Variants in AP2A1 observed in about 807,000 individuals in gnomAD.
AP2A1 encodes the protein adaptor related protein complex 2 subunit alpha 1.
Under a neutral mutation model 107.3 loss-of-function variants are expected in AP2A1, and 21 were observed. The ratio of observed to expected loss-of-function variants is 0.20; its 90% CI spans 0.14 to 0.28. The LOEUF (loss-of-function observed/expected upper bound fraction) is 0.28. AP2A1 is among the 10% of genes least tolerant of loss of function. The probability of loss-of-function intolerance (pLI) is 1.00; values close to 1 mark genes in which losing one functional copy is unlikely to be tolerated. For missense variants in AP2A1, 873 were observed against 1,307.7 expected, an observed-to-expected ratio of 0.67 and a Z score of 5.13; for synonymous variants, 602 against 564.8, an observed-to-expected ratio of 1.07 and a Z score of -0.93.
chr19:49,780,903 C>T (rs973561218), intron 1 of AP2A1, among the ~76,000 whole-genome samples: 3 of 152,010 alleles, frequency 2.0e-5, no homozygotes, highest in East Asian at 1.9e-4. Context: ...GGCAGTAGCC[C>T]GATTGGCGTG....
intron 7 of AP2A1, chr19:49,797,032 CTT>C (rs2073222484): frequency 1.3e-5 from 2 of 152,322 alleles, no homozygotes; most frequent in South Asian, 4.1e-4. Flanking sequence ...CTCTGGGCCT[CTT>C]TTTCGTCCTG....
chr19:49,771,387 C>T (rs1251164372), intron 1 of AP2A1, among the ~76,000 whole-genome samples: 6 of 148,356 alleles, frequency 4.0e-5, no homozygotes, highest in Non-Finnish European at 4.4e-5. Context: ...TACTAAAGAA[C>T]GCTGAATTGT....
At chr19:49,767,509 G>A (rs1305714010) in intron 1 of AP2A1, among the ~76,000 whole-genome samples, 2 of 152,010 alleles carry the variant, frequency 1.3e-5, no homozygotes, top group Admixed American at 1.3e-4. Flanking sequence ...AAAAGCTGGG[G>A]GATCTTACAA....
intron 7 of AP2A1, chr19:49,796,098 T>C (rs1355829335): frequency 7.6e-6 from 2 of 262,642 alleles, no homozygotes; most frequent in Admixed American, 4.9e-5. Flanking sequence ...AGTGGGTGAT[T>C]CCAGGCCGTG....
chr19:49,800,213 G>A, intron 11 of AP2A1, 63 bp downstream of exon 11: 2 of 1,518,214 alleles, frequency 1.3e-6, no homozygotes, highest in Non-Finnish European at 1.8e-6. Context: ...AGCAAGGATG[G>A]CCGGGGCCGT....
At chr19:49,805,412 C>A in intron 18 of AP2A1, 41 bp from the exon 19 acceptor site, 3 of 1,497,412 alleles carry the variant, frequency 2.0e-6, no homozygotes, top group Non-Finnish European at 1.8e-6. Flanking sequence ...CTCCCGGGGG[C>A]CCACCTCCTC....
intron 1 of AP2A1, among the ~76,000 whole-genome samples, chr19:49,778,020 A>G (rs1418846320): frequency 6.6e-6 from 1 of 152,102 alleles, no homozygotes; most frequent in Non-Finnish European, 1.5e-5. Flanking sequence ...ATATAAATAT[A>G]TAAGTACATA....
At chr19:49,778,494 A>T (rs1457140566) in intron 1 of AP2A1, among the ~76,000 whole-genome samples, 3 of 152,156 alleles carry the variant, frequency 2.0e-5, no homozygotes, top group Non-Finnish European at 4.4e-5. Context: ...GAGGTAGGAG[A>T]ATCACTTGAA....
intron 6 of AP2A1, among the ~76,000 whole-genome samples, chr19:49,793,722 A>G (rs1424119240): frequency 6.6e-6 from 1 of 152,140 alleles, no homozygotes. Flanking sequence ...GAGGTAGGAT[A>G]GGTCACCCAT....
At chr19:49,803,245 A>G in intron 17 of AP2A1, 42 bp from the exon 18 acceptor site, 1 of 1,613,278 alleles carries the variant, frequency 6.2e-7, no homozygotes, top group African/African-American at 1.3e-5. Flanking sequence ...GGAAGGGGTC[A>G]GAGGGACTCA....
At chr19:49,781,016 G>A (rs924515400) in intron 1 of AP2A1, among the ~76,000 whole-genome samples, 1 of 152,140 alleles carries the variant, frequency 6.6e-6, no homozygotes, top group Admixed American at 6.5e-5. Flanking sequence ...GAAGCAGAGA[G>A]GGCAGCCGAG....
rs1415849091 is a variant in AP2A1 at position 49,795,727 on chromosome 19, A to G, written c.803A>G (p.Tyr268Cys). Residue 268 changes from tyrosine (Y) to cysteine (C), a missense_variant, in exon 7 of 23, where the codon TAC (tyrosine) becomes TGC (cysteine). Coordinates refer to ENST00000354293, the MANE Select transcript of AP2A1 (RefSeq NM_130787.3). Reference sequence around the variant, plus strand: ...AAGCTCCTGCGGCTGCTGCAGTGCTACCCGCCTCCAGGTAATGAACGCCGT... The same window carrying G: ...AAGCTCCTGCGGCTGCTGCAGTGCTGCCCGCCTCCAGGTAATGAACGCCGT... ...SVKLLRLLQC[Y>C]PPPEDAAVKG... 1 of 1,551,610 alleles carries G rather than the reference A, an allele frequency of 6.4e-7. No individual in the cohort carries two copies. Among genetic ancestry groups the G allele is most frequent in the Admixed American group, 1.9e-5 (1 of 51,546 alleles).
At chr19:49,796,545 ACAC>A (rs1213405873) in intron 7 of AP2A1, 1 of 152,322 alleles carries the variant, frequency 6.6e-6, no homozygotes, top group African/African-American at 2.4e-5. Flanking sequence ...GGGCTGATGT[ACAC>A]CACCAAATCT....
chr19:49,790,471 A>G (rs918737974), intron 4 of AP2A1, among the ~76,000 whole-genome samples: 18 of 152,138 alleles, frequency 1.2e-4, no homozygotes, highest in African/African-American at 4.3e-4. Context: ...TCTGCCACCC[A>G]GGCTGCAGCC....
In AP2A1 at chr19:49,794,916, G is replaced by T. The variant is rs143758622; in HGVS notation, c.706-714G>T. On this transcript the variant is annotated intron_variant, in intron 6 of 22. Transcript: ENST00000354293. ...GATCTCAGGTGATCCACCCACCTTG[G>T]CCTCCCAAAGTGCTGGGATTACAGG... Among the ~76,000 whole-genome samples, 281 of 152,220 alleles carry T rather than the reference G, an allele frequency of 1.8e-3. 5 individuals carry two copies. In the East Asian group the frequency reaches 0.032, roughly 18 times the overall value.
intron 1 of AP2A1, among the ~76,000 whole-genome samples, chr19:49,768,322 C>T (rs1364182911): frequency 1.3e-5 from 2 of 152,082 alleles, no homozygotes; most frequent in Non-Finnish European, 2.9e-5. Context: ...AGGCTGCATC[C>T]GCATGGGCTC....
chr19:49,767,236 G>T (rs780927304), intron 1 of AP2A1, 36 bp downstream of exon 1: 1 of 1,606,528 alleles, frequency 6.2e-7, no homozygotes, highest in Non-Finnish European at 8.5e-7. Flanking sequence ...GAGACGCGGG[G>T]GAGGGGGGAG....
chr19:49,785,378 C>T lies in AP2A1; in HGVS notation c.473+2654C>T, dbSNP rs1486549359. ...GAGTAGAGTCGATGGATTATATGTG[C>T]TGTGCTAGGATGAGGTGGGGACATT... On this transcript the variant is annotated intron_variant, in intron 4 of 22. Transcript: ENST00000354293. The surrounding 1 kb of genome is among the most constrained non-coding windows in gnomAD (Gnocchi z 4.1). 6.6e-6 allele frequency among the ~76,000 whole-genome samples: 1 copy of T among 152,074 alleles called. No homozygotes were observed. The highest frequency in any genetic ancestry group is 2.4e-5 in the African/African-American group (1 of 41,404).
At position 49,767,071 on chromosome 19, in the gene AP2A1, C is replaced by G; in HGVS notation, c.-63C>G. 1 of 1,549,054 alleles carries G rather than the reference C, an allele frequency of 6.5e-7. No individual in the cohort carries two copies. Among genetic ancestry groups the G allele is most frequent in the South Asian group, 1.2e-5 (1 of 85,278 alleles). On this transcript the variant is annotated 5_prime_UTR_variant, in exon 1 of 23. Transcript: ENST00000354293. ...TGGGGTCCTTTCCGCCCGGTCCCCG[C>G]TTGCCAGCCCCCGCTGCTCTGTGCC...
Sources: allele counts gnomAD v4.1 joint callset (sites outside exome capture counted in the v4.1 genomes callset), GRCh38; gene constraint gnomAD v4.1.1; non-coding constraint Gnocchi (gnomAD v3.1); transcripts MANE v1.5; gene names NCBI Gene and HGNC (gene_info 2026-07-23, HGNC 2026-07-21).